Variants in CRIPTO observed in about 807,000 individuals in gnomAD.
CRIPTO encodes cripto, EGF-CFC family member, also known as protein Cripto.
the CRIPTO span, chr3:46,578,154 A>T: frequency 2.5e-6 from 2 of 809,392 alleles, no homozygotes; most frequent in Non-Finnish European, 4.2e-6. Context: ...AAAGACCTGG[A>T]ATTTCACATG....
the CRIPTO span, chr3:46,579,467 A>G: frequency 1.9e-6 from 3 of 1,588,528 alleles, no homozygotes; most frequent in Non-Finnish European, 2.6e-6. Flanking sequence ...TGGTTCTGGA[A>G]CTGTGCAGGT....
At chr3:46,577,750 C>G in the CRIPTO span, 2 of 595,474 alleles carry the variant, frequency 3.4e-6, no homozygotes, top group Non-Finnish European at 6.0e-6. Flanking sequence ...GCTGAGTCTC[C>G]AGCTCAAGGT....
the CRIPTO span, chr3:46,577,652 T>C: frequency 1.1e-5 from 5 of 470,868 alleles, no homozygotes; most frequent in East Asian, 4.0e-5. Context: ...GTGTGGGCCA[T>C]TGTCATGCTG....
chr3:46,579,086 T>C, the CRIPTO span: 2 of 1,614,220 alleles, frequency 1.2e-6, no homozygotes, highest in African/African-American at 1.3e-5. Flanking sequence ...TCTGACTTCC[T>C]CTTCCTAGTG....
chr3:46,581,544 C>G, the CRIPTO span: 1 of 594,880 alleles, frequency 1.7e-6, no homozygotes, highest in Non-Finnish European at 2.9e-6. Flanking sequence ...GAGTCTCACT[C>G]TGTCACCCAG....
the CRIPTO span, chr3:46,581,119 C>T: frequency 6.2e-7 from 1 of 1,603,094 alleles, no homozygotes; most frequent in Non-Finnish European, 8.5e-7. Context: ...GACCAAGCAT[C>T]CCTACCTTCC....
At chr3:46,576,480 C>CA in the CRIPTO span, among the ~76,000 whole-genome samples, 8,703 of 54,924 alleles carry the variant, frequency 0.16, 1,975 homozygotes, top group East Asian at 0.33. Context: ...GACTCTGTCG[C>CA]AAAAAAAAAA....
chr3:46,579,085 C>T, the CRIPTO span: 1 of 1,614,150 alleles, frequency 6.2e-7, no homozygotes, highest in South Asian at 1.1e-5. Context: ...GTCTGACTTC[C>T]TCTTCCTAGT....
At chr3:46,575,570 C>A in the CRIPTO span, among the ~76,000 whole-genome samples, 3 of 152,118 alleles carry the variant, frequency 2.0e-5, no homozygotes, top group African/African-American at 7.2e-5. Context: ...GGGTTCTGGT[C>A]CCGTCAATGA....
the CRIPTO span, chr3:46,577,717 G>A: frequency 3.9e-6 from 2 of 516,426 alleles, no homozygotes; most frequent in African/African-American, 3.9e-5. Context: ...GTTTGTTGTT[G>A]AAGAAGGAGA....
chr3:46,575,542 T>C, the CRIPTO span, among the ~76,000 whole-genome samples: 3 of 152,286 alleles, frequency 2.0e-5, no homozygotes, highest in East Asian at 5.8e-4. Flanking sequence ...TTTGTGTGGC[T>C]GAAAAGCTGG....
At chr3:46,580,137 C>T in the CRIPTO span, 12 of 1,584,906 alleles carry the variant, frequency 7.6e-6, no homozygotes, top group South Asian at 1.2e-4. Context: ...TTAGCAGGCT[C>T]TCCTTGTACC....
At chr3:46,580,141 T>TTGTA in the CRIPTO span, 1 of 1,577,458 alleles carries the variant, frequency 6.3e-7, no homozygotes. Context: ...CAGGCTCTCC[T>TTGTA]TGTACCTCTT....
the CRIPTO span, chr3:46,581,608 C>T: frequency 9.0e-6 from 5 of 556,312 alleles, no homozygotes; most frequent in South Asian, 7.7e-5. Context: ...ATCCGGGGTT[C>T]AAGCCATTCT....
At chr3:46,580,066 C>T in the CRIPTO span, 4 of 1,614,240 alleles carry the variant, frequency 2.5e-6, no homozygotes, top group South Asian at 4.4e-5. Context: ...CTGTGGTAAG[C>T]GGAGGTTCTC....
the CRIPTO span, chr3:46,580,989 G>A: frequency 1.4e-6 from 1 of 704,744 alleles, no homozygotes; most frequent in Non-Finnish European, 2.6e-6. Flanking sequence ...GCAAGTGAAG[G>A]CATCACCACT....
the CRIPTO span, chr3:46,579,823 G>A: frequency 6.2e-7 from 1 of 1,614,000 alleles, no homozygotes; most frequent in Non-Finnish European, 8.5e-7. Flanking sequence ...TCCTTCTACG[G>A]ACGGAACTGT....
the CRIPTO span, chr3:46,579,895 G>T: frequency 2.5e-6 from 4 of 1,614,204 alleles, no homozygotes; most frequent in Admixed American, 6.7e-5. Context: ...AGAGGAGAGA[G>T]AAAGGGAAGT....
the CRIPTO span, chr3:46,580,090 C>G: frequency 1.9e-6 from 3 of 1,614,142 alleles, no homozygotes; most frequent in Non-Finnish European, 2.5e-6. Flanking sequence ...TTTCTTTTGC[C>G]CTTTGAAGTT....
Sources: gnomAD v4.1 joint callset for allele counts (sites outside exome capture counted in the v4.1 genomes callset) on GRCh38, gnomAD v4.1.1 for gene constraint, MANE v1.5 for transcripts, NCBI Gene and HGNC (gene_info 2026-07-23, HGNC 2026-07-21) for gene names.